Variants in VWA2 observed in about 807,000 individuals in gnomAD.
The protein encoded by VWA2 is von Willebrand factor A domain containing 2.
VWA2 carries 73 observed loss-of-function variants against 70.4 expected under a neutral mutation model. The observed-to-expected ratio is 1.04, with a 90% CI of 0.86 to 1.26. The LOEUF (loss-of-function observed/expected upper bound fraction) is 1.26, where lower values mean the gene tolerates loss of function less well. Among genes scored for constraint, VWA2 ranks in the 50% most tolerant of loss-of-function variants. VWA2 has a pLI of 0.00. For missense variants in VWA2, 1,011 were observed against 998.5 expected (o/e 1.01, Z -0.17); for synonymous variants, 407 against 423.3 (o/e 0.96, Z 0.47).
rs2039804316 is a variant in VWA2 at position 114,293,609 on chromosome 10, T to A, written c.*2372T>A. ...TTTCTTTCATTTAAAAGAAATTAGC[T>A]TTAATTTTTACCTTTAATTACTTAT... On this transcript the variant is annotated 3_prime_UTR_variant, in exon 14 of 14. Transcript: ENST00000392982. 6.6e-6 allele frequency among the ~76,000 whole-genome samples: 1 copy of A among 152,222 alleles called. No individual in the cohort carries two copies. Among genetic ancestry groups the A allele is most frequent in the Non-Finnish European group, 1.5e-5 (1 of 68,032 alleles).
At chr10:114,271,754 C>T (rs2037715920) in intron 5 of VWA2, among the ~76,000 whole-genome samples, 2 of 152,152 alleles carry the variant, frequency 1.3e-5, no homozygotes, top group African/African-American at 2.4e-5. Flanking sequence ...TTGGTACAAT[C>T]TGAGTGTAAA....
chr10:114,291,879 T>G lies in VWA2; in HGVS notation c.*642T>G, dbSNP rs1589859762. 6.6e-6 allele frequency among the ~76,000 whole-genome samples: 1 copy of G among 152,156 alleles called. No homozygotes were observed. Among genetic ancestry groups the G allele is most frequent in the Non-Finnish European group, 1.5e-5 (1 of 68,026 alleles). The stretch of plus-strand genomic sequence containing the variant: ...AAATGTGACCAATTAACCAGCTTGT[T>G]TGATGATGGGGGAGGGGCTGAGTGT... On this transcript the variant is annotated 3_prime_UTR_variant, in exon 14 of 14. Coordinates refer to ENST00000392982, the MANE Select transcript of VWA2 (RefSeq NM_001272046.2).
chr10:114,290,763 C>T (rs895843686), intron 13 of VWA2, among the ~76,000 whole-genome samples: 2 of 152,150 alleles, frequency 1.3e-5, no homozygotes, highest in African/African-American at 4.8e-5. Flanking sequence ...TGGGTAAATG[C>T]GGTGGTGGGA....
chr10:114,287,377 T>C (rs2039032072), intron 11 of VWA2, among the ~76,000 whole-genome samples: 1 of 152,168 alleles, frequency 6.6e-6, no homozygotes, highest in African/African-American at 2.4e-5. Flanking sequence ...GATGTGGTCT[T>C]GCTATGTTGC....
intron 5 of VWA2, among the ~76,000 whole-genome samples, chr10:114,267,886 G>C (rs1176496079): frequency 6.6e-6 from 1 of 152,126 alleles, no homozygotes; most frequent in Non-Finnish European, 1.5e-5. Context: ...TGGACTGTCA[G>C]GGAATAGGAC....
In VWA2 at chr10:114,292,063, G is replaced by A. The variant is rs2039652842; in HGVS notation, c.*826G>A. ...AGGCTGAGGCAGGTGGATCACCCGA[G>A]GTCAGGAGTTTGAGACCAGCCTGGC... On this transcript the variant is annotated 3_prime_UTR_variant, in exon 14 of 14. Transcript: ENST00000392982. Among the ~76,000 whole-genome samples the A allele has an allele frequency of 6.6e-6, 1 of 152,108 alleles. No individual in the cohort carries two copies. Among genetic ancestry groups the A allele is most frequent in the Non-Finnish European group, 1.5e-5 (1 of 68,008 alleles).
chr10:114,263,161 A>G (rs1034334370), intron 5 of VWA2, among the ~76,000 whole-genome samples: 2 of 151,454 alleles, frequency 1.3e-5, no homozygotes, highest in African/African-American at 4.9e-5. Context: ...GACTGCAGGC[A>G]TGTGCCACCA....
At chr10:114,247,210 T>G (rs927722700) in intron 1 of VWA2, among the ~76,000 whole-genome samples, 8 of 152,212 alleles carry the variant, frequency 5.3e-5, no homozygotes, top group African/African-American at 1.9e-4. Context: ...AAAAGATTTC[T>G]GTACAGATTT....
chr10:114,263,658 G>A (rs975692161), intron 5 of VWA2, among the ~76,000 whole-genome samples: 11 of 151,928 alleles, frequency 7.2e-5, no homozygotes, highest in South Asian at 2.1e-4. Flanking sequence ...TTTAAAAGGC[G>A]TCTCCCCACC....
At chr10:114,270,690 T>C (rs966647822) in intron 5 of VWA2, among the ~76,000 whole-genome samples, 1 of 152,138 alleles carries the variant, frequency 6.6e-6, no homozygotes, top group African/African-American at 2.4e-5. Context: ...GGAAACAGTA[T>C]TAGTAGAGAT....
Position 114,240,015 on chromosome 10 carries a change from C to G in VWA2, c.-11+446C>G, listed in dbSNP as rs1187532048. 2.0e-5 allele frequency among the ~76,000 whole-genome samples: 3 copies of G among 152,216 alleles called. No homozygotes were observed. The East Asian group carries it at 5.8e-4, about 29-fold the overall frequency. On this transcript the variant is annotated intron_variant, in intron 1 of 13. Coordinates refer to ENST00000392982, the MANE Select transcript of VWA2 (RefSeq NM_001272046.2). ...TTTGAATAAAGGCTTTGGTGACATG[C>G]TCGCTTCCACCCCACACCCCACTAC...
At chr10:114,279,372 T>C (rs909346455) in intron 8 of VWA2, among the ~76,000 whole-genome samples, 2 of 152,086 alleles carry the variant, frequency 1.3e-5, no homozygotes, top group Admixed American at 6.5e-5. Context: ...GCACTTTCTT[T>C]AGACTACCTG....
chr10:114,239,996 T>C (rs2036947656), intron 1 of VWA2, among the ~76,000 whole-genome samples: 1 of 152,124 alleles, frequency 6.6e-6, no homozygotes, highest in African/African-American at 2.4e-5. Context: ...GCCCTTTGAA[T>C]AAAGGCTTTG....
chr10:114,250,139 C>G (rs1274174603), intron 2 of VWA2, among the ~76,000 whole-genome samples: 1 of 152,220 alleles, frequency 6.6e-6, no homozygotes, highest in South Asian at 2.1e-4. Context: ...CTCTGTAGCA[C>G]TTAACACAGA....
rs181325818 is a variant in VWA2 at position 114,286,355 on chromosome 10, G to C, written c.1414G>C (p.Glu472Gln). Residue 472 changes from glutamate to glutamine, a missense_variant, in exon 11 of 14, where the codon GAG becomes CAG. Coordinates refer to ENST00000392982, the MANE Select transcript of VWA2 (RefSeq NM_001272046.2). Reference sequence around the variant, plus strand: ...CCCAGCGCGTCACGCAAGGGCGCGAGAGCTGCTCCTGCTGGGTGTAGGCAG... The same window carrying C: ...CCCAGCGCGTCACGCAAGGGCGCGACAGCTGCTCCTGCTGGGTGTAGGCAG... ...AGPARHARAR[E>Q]LLLLGVGSEA... 1 of 1,613,666 alleles carries C rather than the reference G, an allele frequency of 6.2e-7. No individual in the cohort carries two copies. Among genetic ancestry groups the C allele is most frequent in the African/African-American group, 1.3e-5 (1 of 74,958 alleles).
intron 4 of VWA2, among the ~76,000 whole-genome samples, chr10:114,259,676 G>A (rs1194304744): frequency 6.6e-6 from 1 of 151,990 alleles, no homozygotes; most frequent in Non-Finnish European, 1.5e-5. Flanking sequence ...TTGCTCTCCA[G>A]TTGTCCCAAT....
intron 11 of VWA2, among the ~76,000 whole-genome samples, chr10:114,287,478 C>A (rs566170213): frequency 6.6e-6 from 1 of 152,248 alleles, no homozygotes; most frequent in East Asian, 1.9e-4. Flanking sequence ...AAATGTAAGC[C>A]TTTATAGGGC....
At chr10:114,259,473 T>C (rs561294372) in intron 4 of VWA2, among the ~76,000 whole-genome samples, 2 of 144,112 alleles carry the variant, frequency 1.4e-5, no homozygotes, top group Non-Finnish European at 3.1e-5. Context: ...ACAGAAGTTG[T>C]TTTTTTTTTT....
rs530138563 is a variant in VWA2 at position 114,278,726 on chromosome 10, G to C, written c.708G>C (p.Arg236Ser). 1 of 1,614,018 alleles carries C rather than the reference G, an allele frequency of 6.2e-7. No individual in the cohort carries two copies. The highest frequency in any genetic ancestry group is 1.7e-5 in the Admixed American group (1 of 60,028). ...TGTGTGTTGTGGACACAGACTGCAG[G>C]GTCGAGGCTCACCCCTGTGAGCACA... ...AICSSATPDC[R>S]VEAHPCEHRT... The change falls in exon 8 of 14, where the codon AGG becomes AGC. Residue 236 changes from arginine (R) to serine (S), a missense_variant. By Grantham distance (110) the Arg-to-Ser change is moderately radical (BLOSUM62 -1). Transcript: ENST00000392982.
Sources: allele counts gnomAD v4.1 joint callset (sites outside exome capture counted in the v4.1 genomes callset), GRCh38; gene constraint gnomAD v4.1.1; transcripts MANE v1.5; gene names NCBI Gene and HGNC (gene_info 2026-07-23, HGNC 2026-07-21).